SORCS1: variants seen among roughly 807,000 people sequenced by gnomAD.
SORCS1 encodes VPS10 domain-containing receptor SorCS1.
SORCS1 carries 60 observed loss-of-function variants against 146.1 expected under a neutral mutation model. That is an observed-to-expected ratio of 0.41 (90% CI 0.33 to 0.51). The LOEUF is 0.51. Among genes scored for constraint, SORCS1 ranks in the 20% least tolerant of loss-of-function variants. The pLI, the probability that SORCS1 is intolerant of heterozygous loss-of-function variation, is 0.21. For missense variants in SORCS1, 1,352 were observed against 1,487.6 expected (o/e 0.91, Z 1.50); for synonymous variants, 637 against 584.0 (o/e 1.09, Z -1.31).
intron 1 of SORCS1, among the ~76,000 whole-genome samples, chr10:107,051,450 G>A (rs374351106): frequency 1.3e-5 from 2 of 152,274 alleles, no homozygotes; most frequent in East Asian, 3.9e-4. Context: ...AATCCAGTGT[G>A]GAGGTTCTTA....
At chr10:106,971,154 A>G (rs1307959666) in intron 1 of SORCS1, among the ~76,000 whole-genome samples, 1 of 151,892 alleles carries the variant, frequency 6.6e-6, no homozygotes, top group African/African-American at 2.4e-5. Flanking sequence ...ACATCTTTCC[A>G]CACTCCTTAA....
At chr10:107,149,198 T>G (rs1347490693) in intron 1 of SORCS1, among the ~76,000 whole-genome samples, 3 of 152,218 alleles carry the variant, frequency 2.0e-5, no homozygotes, top group Non-Finnish European at 4.4e-5. Flanking sequence ...CTGTTCTTTT[T>G]TTCTTTTATT....
At chr10:107,047,281 G>A (rs1036843667) in intron 1 of SORCS1, among the ~76,000 whole-genome samples, 4 of 152,110 alleles carry the variant, frequency 2.6e-5, no homozygotes, top group Non-Finnish European at 4.4e-5. Context: ...GAGCCACCAT[G>A]CCCAGCCAGC....
intron 1 of SORCS1, among the ~76,000 whole-genome samples, chr10:107,012,178 C>T (rs890891854): frequency 6.6e-6 from 1 of 152,142 alleles, no homozygotes; most frequent in African/African-American, 2.4e-5. Flanking sequence ...TCACGCTTTC[C>T]TTCCATTTTC....
chr10:106,764,087 G>A (rs1048931118), intron 4 of SORCS1, among the ~76,000 whole-genome samples: 3 of 152,100 alleles, frequency 2.0e-5, no homozygotes, highest in Non-Finnish European at 4.4e-5. Context: ...TGCTTCCATG[G>A]ATTTATAACT....
chr10:106,637,242 G>C (rs1224011471), intron 18 of SORCS1, among the ~76,000 whole-genome samples: 1 of 152,240 alleles, frequency 6.6e-6, no homozygotes, highest in Non-Finnish European at 1.5e-5. Context: ...CTGTTCCCAA[G>C]CAAGTTCTTT....
rs1166229729 is a variant in SORCS1 at position 107,057,042 on chromosome 10, G to A, written c.559-100462C>T. 4.6e-5 allele frequency among the ~76,000 whole-genome samples: 7 copies of A among 152,260 alleles called. No individual in the cohort carries two copies. In the East Asian group the frequency reaches 1.4e-3, roughly 29 times the overall value. Reference sequence around the variant, plus strand: ...CCGCTTTCTAAATCCTCAATTGCTTGACCACTGACCTTTCCCTGTCCTGAA... The same window carrying A: ...CCGCTTTCTAAATCCTCAATTGCTTAACCACTGACCTTTCCCTGTCCTGAA... On this transcript the variant is annotated intron_variant, in intron 1 of 25. Coordinates refer to ENST00000263054, the MANE Select transcript of SORCS1 (RefSeq NM_052918.5).
chr10:106,810,070 A>C (rs1337877776), intron 3 of SORCS1, among the ~76,000 whole-genome samples: 1 of 152,146 alleles, frequency 6.6e-6, no homozygotes. Context: ...CAAATACAAA[A>C]ATTAGCCAAG....
At chr10:106,968,748 T>C (rs1421921452) in intron 1 of SORCS1, among the ~76,000 whole-genome samples, 1 of 152,176 alleles carries the variant, frequency 6.6e-6, no homozygotes, top group Non-Finnish European at 1.5e-5. Context: ...ATGCAAGCTT[T>C]TAACTTTTTT....
At chr10:106,913,022 T>A (rs1952239693) in intron 2 of SORCS1, among the ~76,000 whole-genome samples, 1 of 151,942 alleles carries the variant, frequency 6.6e-6, no homozygotes, top group Non-Finnish European at 1.5e-5. Context: ...AGAGTTCTGA[T>A]TAAAAGCCAG....
chr10:107,075,596 C>T (rs767739802), intron 1 of SORCS1, among the ~76,000 whole-genome samples: 1 of 152,078 alleles, frequency 6.6e-6, no homozygotes, highest in African/African-American at 2.4e-5. Flanking sequence ...TATCTTTGGG[C>T]TCCTGAATTT....
intron 2 of SORCS1, among the ~76,000 whole-genome samples, chr10:106,854,481 A>G (rs1303216658): frequency 7.0e-6 from 1 of 143,486 alleles, no homozygotes. Context: ...ATTATTGCCT[A>G]TCACATTTTT....
chr10:106,797,865 A>G (rs1946650571), intron 3 of SORCS1, among the ~76,000 whole-genome samples: 1 of 152,178 alleles, frequency 6.6e-6, no homozygotes, highest in Non-Finnish European at 1.5e-5. Context: ...AAATAACCAC[A>G]TAATCCTCTA....
chr10:106,600,682 A>C (rs1022494227), intron 23 of SORCS1: 1 of 985,464 alleles, frequency 1.0e-6, no homozygotes, highest in Non-Finnish European at 1.2e-6. Flanking sequence ...AACACATCTT[A>C]GGTGTCAGTG....
chr10:106,872,971 G>C (rs576639380), intron 2 of SORCS1, among the ~76,000 whole-genome samples: 9 of 152,052 alleles, frequency 5.9e-5, no homozygotes, highest in South Asian at 2.1e-4. Flanking sequence ...TCAGGAGTTC[G>C]AGACCAGCCT....
chr10:107,041,356 G>C (rs1019264438), intron 1 of SORCS1, among the ~76,000 whole-genome samples: 2 of 149,028 alleles, frequency 1.3e-5, no homozygotes, highest in African/African-American at 2.5e-5. Flanking sequence ...AATATACTTA[G>C]ATAAATGTTG....
intron 1 of SORCS1, among the ~76,000 whole-genome samples, chr10:107,034,680 CAAAA>C (rs553032484): frequency 0.045 from 620 of 13,720 alleles, 2 homozygotes; most frequent in African/African-American, 0.16. Context: ...AACTCCATCT[CAAAA>C]AAAAAAAAAA....
At chr10:106,803,510 T>C (rs1038818662) in intron 3 of SORCS1, among the ~76,000 whole-genome samples, 1 of 152,182 alleles carries the variant, frequency 6.6e-6, no homozygotes, top group Admixed American at 6.5e-5. Context: ...TTAGATTCTG[T>C]CCTCTTGATA....
intron 5 of SORCS1, 113 bp from the exon 6 acceptor site, chr10:106,730,227 C>A: frequency 1.1e-6 from 1 of 884,544 alleles, no homozygotes; most frequent in Non-Finnish European, 1.8e-6. Context: ...TCTAAACCCA[C>A]AATCCTTAGA....
Sources: allele counts gnomAD v4.1 joint callset (sites outside exome capture counted in the v4.1 genomes callset), GRCh38; gene constraint gnomAD v4.1.1; transcripts MANE v1.5; gene names NCBI Gene and HGNC (gene_info 2026-07-23, HGNC 2026-07-21).